Variants in KCNJ12 observed in about 807,000 individuals in gnomAD.
The protein encoded by KCNJ12 is potassium inwardly rectifying channel subfamily J member 12.
Under a neutral mutation model 22.3 loss-of-function variants are expected in KCNJ12, and 2 were observed. That is an observed-to-expected ratio of 0.09 (90% CI 0.04 to 0.28). The LOEUF (loss-of-function observed/expected upper bound fraction) is 0.28, where lower values mean the gene tolerates loss of function less well. Among genes scored for constraint, KCNJ12 ranks in the 10% least tolerant of loss-of-function variants. The pLI is 1.00. For missense variants in KCNJ12, 155 were observed against 633.3 expected (o/e 0.24, Z 8.11); for synonymous variants, 117 against 261.4 (o/e 0.45, Z 5.33).
chr17:21,384,957 A>G (rs1413390596), intron 1 of KCNJ12, among the ~76,000 whole-genome samples: 2 of 151,414 alleles, frequency 1.3e-5, no homozygotes, highest in Non-Finnish European at 2.9e-5. Context: ...TTGTATTTTT[A>G]GTAGAGACGG....
intron 1 of KCNJ12, among the ~76,000 whole-genome samples, chr17:21,382,682 A>G (rs977896667): frequency 6.6e-6 from 1 of 152,128 alleles, no homozygotes; most frequent in East Asian, 1.9e-4. Context: ...CTCAGAAAAG[A>G]CAGGGCTGGT....
At chr17:21,401,065 C>T (rs1388250995) in intron 1 of KCNJ12, among the ~76,000 whole-genome samples, 4 of 152,400 alleles carry the variant, frequency 2.6e-5, no homozygotes, top group South Asian at 4.1e-4. Context: ...GTTCACAAAG[C>T]CCTGGCTTCT....
chr17:21,413,079 A>C (rs1280332717), intron 2 of KCNJ12, among the ~76,000 whole-genome samples: 2 of 141,240 alleles, frequency 1.4e-5, no homozygotes, highest in African/African-American at 4.9e-5. Flanking sequence ...AGTGTTCCAC[A>C]GCCTGGCCGG....
chr17:21,406,184 G>C (rs1200049585), intron 1 of KCNJ12, among the ~76,000 whole-genome samples: 1 of 152,308 alleles, frequency 6.6e-6, no homozygotes, highest in Non-Finnish European at 1.5e-5. Context: ...GCTTCTCTCA[G>C]CCTCAGTTTT....
chr17:21,416,611 G>C lies in KCNJ12; in HGVS notation c.1269G>C (p.Glu423Asp), dbSNP rs868965229. Residue 423 changes from glutamate (E) to aspartate (D), a missense_variant, in exon 3 of 3, where the codon GAG (glutamate) becomes GAC (aspartate). Glu to Asp is a conservative substitution (Grantham distance 45). Transcript: ENST00000583088. ...TCCAGGCTGGCGGCGGGGTCCTGGA[G>C]CAGCGGCCCTACAGACGGGAGTCAG... is the stretch of plus-strand genomic sequence containing the variant. ...DRLQAGGGVL[E>D]QRPYRRESEI The C allele has an allele frequency of 6.2e-7, 1 of 1,605,412 alleles. No individual in the cohort carries two copies. Among genetic ancestry groups the C allele is most frequent in the Non-Finnish European group, 8.5e-7 (1 of 1,176,142 alleles).
chr17:21,409,045 T>C (rs1378625790), intron 2 of KCNJ12, among the ~76,000 whole-genome samples: 1 of 152,312 alleles, frequency 6.6e-6, no homozygotes, highest in Non-Finnish European at 1.5e-5. Context: ...AGCTGCTTAG[T>C]CCTTCACCCT....
At chr17:21,389,486 T>C (rs1597559682) in intron 1 of KCNJ12, among the ~76,000 whole-genome samples, 1 of 152,192 alleles carries the variant, frequency 6.6e-6, no homozygotes, top group Non-Finnish European at 1.5e-5. Context: ...CTGTGGGCCC[T>C]GTGTGATACC....
At chr17:21,410,459 C>T (rs1906256538) in intron 2 of KCNJ12, among the ~76,000 whole-genome samples, 1 of 152,218 alleles carries the variant, frequency 6.6e-6, no homozygotes. Context: ...GGAGCAGGCA[C>T]CTTGGGCGGG....
At chr17:21,383,350 G>A (rs1477283397) in intron 1 of KCNJ12, among the ~76,000 whole-genome samples, 3 of 152,176 alleles carry the variant, frequency 2.0e-5, no homozygotes, top group Non-Finnish European at 2.9e-5. Context: ...TCTGCCTCGG[G>A]GCTCCTGGTT....
chr17:21,412,694 C>T (rs1415180328), intron 2 of KCNJ12, among the ~76,000 whole-genome samples: 2 of 152,306 alleles, frequency 1.3e-5, no homozygotes, highest in Non-Finnish European at 2.9e-5. Context: ...CCATTCCGGC[C>T]CTGCGTCCCA....
intron 1 of KCNJ12, among the ~76,000 whole-genome samples, chr17:21,403,042 G>T (rs1905719516): frequency 6.6e-6 from 1 of 152,306 alleles, no homozygotes; most frequent in Admixed American, 6.5e-5. Flanking sequence ...CTGGGTCCTA[G>T]GGGCTCAAGA....
chr17:21,398,757 C>T (rs557495059), intron 1 of KCNJ12, among the ~76,000 whole-genome samples: 41 of 152,334 alleles, frequency 2.7e-4, no homozygotes, highest in Admixed American at 1.2e-3. Context: ...GGTCGTGTAT[C>T]GGTGTACACA....
intron 1 of KCNJ12, among the ~76,000 whole-genome samples, chr17:21,404,153 G>A (rs1905794814): frequency 6.6e-6 from 1 of 152,354 alleles, no homozygotes; most frequent in South Asian, 2.1e-4. Flanking sequence ...CAGGGCTTCT[G>A]TGGAGTAGCT....
chr17:21,391,500 G>A (rs112533838), intron 1 of KCNJ12, among the ~76,000 whole-genome samples: 33 of 152,310 alleles, frequency 2.2e-4, no homozygotes, highest in African/African-American at 7.7e-4. Flanking sequence ...GTGATGCTTT[G>A]GAAACGTTTA....
intron 2 of KCNJ12, among the ~76,000 whole-genome samples, chr17:21,411,828 C>T (rs199976615): frequency 2.9e-3 from 447 of 152,194 alleles, no homozygotes; most frequent in African/African-American, 0.01. Context: ...ATATTGCGAC[C>T]TTGAAGGCCG....
intron 1 of KCNJ12, among the ~76,000 whole-genome samples, chr17:21,378,006 C>T (rs1904726218): frequency 6.6e-6 from 1 of 152,248 alleles, no homozygotes; most frequent in African/African-American, 2.4e-5. Context: ...CCCACATCTG[C>T]GCCCCAAACC....
intron 1 of KCNJ12, among the ~76,000 whole-genome samples, chr17:21,408,024 C>CCATCCAT (rs1906082227): frequency 7.4e-5 from 1 of 13,510 alleles, no homozygotes; most frequent in African/African-American, 2.1e-4. Flanking sequence ...CATCCATCCA[C>CCATCCAT]CCATTCATTC....
At chr17:21,411,344 A>G (rs1364700117) in intron 2 of KCNJ12, among the ~76,000 whole-genome samples, 2 of 152,394 alleles carry the variant, frequency 1.3e-5, no homozygotes, top group East Asian at 1.9e-4. Context: ...CTGCGTCTGT[A>G]GGCACTGTGG....
intron 2 of KCNJ12, among the ~76,000 whole-genome samples, chr17:21,414,103 A>G (rs1906539274): frequency 6.6e-6 from 1 of 152,310 alleles, no homozygotes; most frequent in South Asian, 2.1e-4. Context: ...GGGTGTCAGG[A>G]GGGTGGTGGG....
Sources: allele counts gnomAD v4.1 joint callset (sites outside exome capture counted in the v4.1 genomes callset), GRCh38; gene constraint gnomAD v4.1.1; transcripts MANE v1.5; gene names NCBI Gene and HGNC (gene_info 2026-07-23, HGNC 2026-07-21).